The following NEMP2 variants were observed in gnomAD, a reference collection of about 807,000 sequenced individuals.
NEMP2 encodes nuclear envelope integral membrane protein 2.
NEMP2 carries 53 observed loss-of-function variants against 54.2 expected under a neutral mutation model. The ratio of observed to expected loss-of-function variants is 0.98; its 90% CI spans 0.78 to 1.23. NEMP2 has a LOEUF of 1.23. Among genes scored for constraint, NEMP2 ranks in the 50% most tolerant of loss-of-function variants. NEMP2 has a pLI of 0.00. For synonymous variants in NEMP2, 197 were observed against 190.3 expected (o/e 1.04, Z -0.29); for missense variants, 455 against 511.3 (o/e 0.89, Z 1.06).
chr2:190,504,176 G>C (rs1690131901), downstream of NEMP2, among the ~76,000 whole-genome samples: 1 of 152,140 alleles, frequency 6.6e-6, no homozygotes, highest in South Asian at 2.1e-4. The surrounding 1 kb of genome is among the most constrained non-coding windows in gnomAD (Gnocchi z 5.6). Context: ...CTGGGCCTCA[G>C]GACCCACCTC....
At chr2:190,615,750 T>C in the NEMP2 span, among the ~76,000 whole-genome samples, 2 of 152,162 alleles carry the variant, frequency 1.3e-5, no homozygotes, top group Non-Finnish European at 1.5e-5. The surrounding 1 kb of genome is among the most constrained non-coding windows in gnomAD (Gnocchi z 4.7). Context: ...AGTGATCTCA[T>C]TAGCACACAA....
At chr2:190,648,780 C>T in the NEMP2 span, 2 of 150,834 alleles carry the variant, frequency 1.3e-5, no homozygotes, top group Non-Finnish European at 3.0e-5. Context: ...CTCCCAGCTG[C>T]CGTGTGAATG....
At chr2:190,511,361 A>G (rs1690357237) in intron 7 of NEMP2, among the ~76,000 whole-genome samples, 1 of 152,078 alleles carries the variant, frequency 6.6e-6, no homozygotes, top group Admixed American at 6.5e-5. Flanking sequence ...ATTGTACAAA[A>G]TTTATAGTAA....
chr2:190,449,178 T>C, the NEMP2 span, among the ~76,000 whole-genome samples: 683 of 152,210 alleles, frequency 4.5e-3, 5 homozygotes, highest in African/African-American at 0.016. Context: ...ATGCATAGTA[T>C]GTTGTTAAGA....
the NEMP2 span, among the ~76,000 whole-genome samples, chr2:190,568,929 G>A: frequency 3.9e-5 from 6 of 152,032 alleles, no homozygotes; most frequent in Non-Finnish European, 7.4e-5. The surrounding 1 kb of genome is among the most constrained non-coding windows in gnomAD (Gnocchi z 4.7). Context: ...GACTAAATCC[G>A]TATCTCCCAC....
the NEMP2 span, among the ~76,000 whole-genome samples, chr2:190,430,446 G>A: frequency 6.6e-6 from 1 of 151,242 alleles, no homozygotes; most frequent in Non-Finnish European, 1.5e-5. Context: ...GTTTAACAAA[G>A]CACATCTTGC....
chr2:190,566,222 AG>A, the NEMP2 span, among the ~76,000 whole-genome samples: 1 of 152,250 alleles, frequency 6.6e-6, no homozygotes, highest in Non-Finnish European at 1.5e-5. Context: ...AGAATGTCAG[AG>A]AGCATTCTAT....
chr2:190,608,383 A>C, the NEMP2 span: 1 of 152,226 alleles, frequency 6.6e-6, no homozygotes, highest in Admixed American at 6.5e-5. This position sits in a 1 kb window ranked among gnomAD's most constrained non-coding sequence, Gnocchi z 4.9. Context: ...CAAAATTTAT[A>C]AGAACAAATC....
chr2:190,555,858 C>G, the NEMP2 span, among the ~76,000 whole-genome samples: 815 of 152,200 alleles, frequency 5.4e-3, 12 homozygotes, highest in African/African-American at 0.019. The surrounding 1 kb of genome is among the most constrained non-coding windows in gnomAD (Gnocchi z 4.8). Context: ...CAAAAAAAGT[C>G]CAGGACCAGA....
chr2:190,601,081 T>C, the NEMP2 span, among the ~76,000 whole-genome samples: 26 of 152,188 alleles, frequency 1.7e-4, no homozygotes, highest in Admixed American at 3.9e-4. This position sits in a 1 kb window ranked among gnomAD's most constrained non-coding sequence, Gnocchi z 5.8. Flanking sequence ...TATGTGGAAA[T>C]AGGGTCATGG....
At position 190,522,582 on chromosome 2, in the gene NEMP2, G is replaced by A. The variant is rs1690789670; in HGVS notation, c.213+2681C>T. ...GAAAAATTGGTTCAGGCTATGCCAGGAAGCAGGGGTTGGACATGCCCCATT... is the reference window on the plus strand; with the variant it reads ...GAAAAATTGGTTCAGGCTATGCCAGAAAGCAGGGGTTGGACATGCCCCATT... On this transcript the variant is annotated intron_variant, in intron 2 of 8. Coordinates refer to ENST00000409150, the MANE Select transcript of NEMP2 (RefSeq NM_001142645.2). This position sits in a 1 kb window ranked among gnomAD's most constrained non-coding sequence, Gnocchi z 5.0. Among the ~76,000 whole-genome samples, 1 of 152,140 alleles carries A rather than the reference G, an allele frequency of 6.6e-6. No homozygotes were observed. The highest frequency in any genetic ancestry group is 2.4e-5 in the African/African-American group (1 of 41,428).
At chr2:190,480,795 T>G in the NEMP2 span, among the ~76,000 whole-genome samples, 2 of 152,198 alleles carry the variant, frequency 1.3e-5, no homozygotes, top group Admixed American at 1.3e-4. Context: ...CACTAATCCA[T>G]GCAAAGTATT....
chr2:190,453,458 C>T, the NEMP2 span, among the ~76,000 whole-genome samples: 8 of 152,176 alleles, frequency 5.3e-5, 1 homozygote. Context: ...CATCTTCCTC[C>T]TCTCTATTCC....
At chr2:190,440,030 T>G in the NEMP2 span, among the ~76,000 whole-genome samples, 1 of 152,186 alleles carries the variant, frequency 6.6e-6, no homozygotes, top group Admixed American at 6.5e-5. Flanking sequence ...TGAGCCTTGA[T>G]GTGTTGCTTG....
the NEMP2 span, among the ~76,000 whole-genome samples, chr2:190,563,667 T>C: frequency 6.6e-6 from 1 of 152,260 alleles, no homozygotes; most frequent in Non-Finnish European, 1.5e-5. The surrounding 1 kb of genome is among the most constrained non-coding windows in gnomAD (Gnocchi z 4.3). Flanking sequence ...TTTGTCTAAA[T>C]TGAAATATTT....
At chr2:190,475,672 A>T in the NEMP2 span, among the ~76,000 whole-genome samples, 2 of 152,220 alleles carry the variant, frequency 1.3e-5, no homozygotes, top group African/African-American at 2.4e-5. Context: ...ATCCCCATGA[A>T]GCTACCAATG....
chr2:190,490,425 CGGT>C, the NEMP2 span, among the ~76,000 whole-genome samples: 1 of 151,734 alleles, frequency 6.6e-6, no homozygotes, highest in South Asian at 2.1e-4. The surrounding 1 kb of genome is among the most constrained non-coding windows in gnomAD (Gnocchi z 4.5). Context: ...TAGCCGGGCA[CGGT>C]GGTGGGCGCC....
chr2:190,436,046 T>C, the NEMP2 span: 226 of 1,610,850 alleles, frequency 1.4e-4, no homozygotes, highest in Non-Finnish European at 1.9e-4. This position sits in a 1 kb window ranked among gnomAD's most constrained non-coding sequence, Gnocchi z 5.3. Context: ...GATGATAAAG[T>C]TGCTATCTTA....
the NEMP2 span, among the ~76,000 whole-genome samples, chr2:190,471,205 A>G: frequency 1.3e-5 from 2 of 152,144 alleles, no homozygotes; most frequent in Non-Finnish European, 2.9e-5. The surrounding 1 kb of genome is among the most constrained non-coding windows in gnomAD (Gnocchi z 4.7). Context: ...CAACTGAGGT[A>G]CCGGGTTCAT....
Sources: allele counts gnomAD v4.1 joint callset (sites outside exome capture counted in the v4.1 genomes callset), GRCh38; gene constraint gnomAD v4.1.1; non-coding constraint Gnocchi (gnomAD v3.1); transcripts MANE v1.5; gene names NCBI Gene and HGNC (gene_info 2026-07-23, HGNC 2026-07-21).